Variants in FRYL observed in about 807,000 individuals in gnomAD.
FRYL encodes FRY like transcription coactivator.
In FRYL, 150 loss-of-function variants were observed where a neutral mutation model predicts 351.2. The ratio of observed to expected loss-of-function variants is 0.43; its 90% CI spans 0.37 to 0.49. The LOEUF (loss-of-function observed/expected upper bound fraction) is 0.49, where lower values mean the gene tolerates loss of function less well. Ranked by LOEUF, FRYL falls within the 20% of genes least tolerant of loss-of-function variation. FRYL has a pLI of 0.00. For missense variants in FRYL, 3,036 were observed against 3,619.3 expected, an observed-to-expected ratio of 0.84 and a Z score of 4.13; for synonymous variants, 1,153 against 1,257.1, an observed-to-expected ratio of 0.92 and a Z score of 1.75.
intron 62 of FRYL, 46 bp from the exon 63 acceptor site, chr4:48,500,266 AAAAAC>A: frequency 8.1e-7 from 1 of 1,240,192 alleles, no homozygotes; most frequent in Non-Finnish European, 1.1e-6. Context: ...GTTTGGTAAC[AAAAAC>A]ATTTAGTTGG....
Position 48,594,034 on chromosome 4 carries a change from C to T in FRYL, c.1249-18G>A. 1 of 1,109,472 alleles carries T rather than the reference C, an allele frequency of 9.0e-7. No homozygotes were observed. The highest frequency in any genetic ancestry group is 1.3e-6 in the Non-Finnish European group (1 of 785,574). 68.7% of individuals were successfully genotyped at this position (1,109,472 alleles called of 1,614,324 possible). ...AAGCGTTCCTTAAAAAAAAAAAAAT[C>T]CTTATAACTTGCTACTATGTGTTAG... is the stretch of plus-strand genomic sequence containing the variant. On this transcript the variant is annotated intron_variant, in intron 15 of 63. Transcript: ENST00000358350.
intron 4 of FRYL, among the ~76,000 whole-genome samples, chr4:48,629,536 GAT>G (rs1752553824): frequency 6.6e-6 from 1 of 152,124 alleles, no homozygotes; most frequent in African/African-American, 2.4e-5. Context: ...AGGTTCTGGA[GAT>G]ACAGCCATAA....
rs1373022552 is a variant in FRYL at position 48,590,842 on chromosome 4, A to G, written c.1336-12T>C. ...CCTATGTTCATTCTCTTCAAAGGAA[A>G]AAAATGCAAAAGGAAGAGATGAGTA... On this transcript the variant is annotated splice_polypyrimidine_tract_variant and intron_variant, in intron 16 of 63. Transcript: ENST00000358350. The G allele has an allele frequency of 6.3e-7, 1 of 1,586,362 alleles. No homozygotes were observed. Among genetic ancestry groups the G allele is most frequent in the African/African-American group, 1.4e-5 (1 of 73,382 alleles).
intron 1 of FRYL, among the ~76,000 whole-genome samples, chr4:48,749,824 C>T (rs575817092): frequency 1.3e-5 from 2 of 152,178 alleles, no homozygotes; most frequent in South Asian, 4.1e-4. Context: ...AAAGGTCTGT[C>T]TAGTTGAGCC....
intron 3 of FRYL, chr4:48,653,702 A>G (rs1416441318): frequency 7.8e-7 from 1 of 1,287,746 alleles, no homozygotes; most frequent in African/African-American, 1.5e-5. Flanking sequence ...TCATGTAGGA[A>G]TATATACTTA....
chr4:48,605,827 C>A lies in FRYL; in HGVS notation c.748G>T (p.Ala250Ser), dbSNP rs771059068. The A allele has an allele frequency of 6.3e-7, 1 of 1,577,686 alleles. No homozygotes were observed. The highest frequency in any genetic ancestry group is 1.1e-5 in the South Asian group (1 of 89,066). The change falls in exon 11 of 64, where the codon GCT becomes TCT. Residue 250 changes from alanine to serine, a missense_variant. By Grantham distance (99) the Ala-to-Ser change is moderately conservative. Around this residue, in one of 7 missense-constraint regions of FRYL, gnomAD observed 457 missense variants for 566.6 expected, o/e 0.81. Transcript: ENST00000358350. ...TCTTTCACTTCTAAGAAATACTGAG[C>A]ACATTCCTTAAAGGGAAAGAGGTAT... The part of the protein sequence containing the change: ...EASFQFMQEC[A>S]QYFLEVKDKD...
At chr4:48,689,593 G>A (rs1028165526) in intron 2 of FRYL, among the ~76,000 whole-genome samples, 3 of 151,918 alleles carry the variant, frequency 2.0e-5, no homozygotes, top group Non-Finnish European at 2.9e-5. Context: ...TCATACACTC[G>A]ACAAATATTT....
At chr4:48,741,268 G>A (rs1433363568) in intron 1 of FRYL, among the ~76,000 whole-genome samples, 1 of 152,102 alleles carries the variant, frequency 6.6e-6, no homozygotes, top group Non-Finnish European at 1.5e-5. Context: ...AAATGACCAG[G>A]CACTGTGGCT....
chr4:48,565,686 G>C lies in FRYL; in HGVS notation c.3175C>G (p.Gln1059Glu), dbSNP rs747857215. The part of the protein sequence containing the change: ...ANIIQNVPVH[Q>E]RRSIFPQQSL... ...TGTTGAGGAAAAATACTTCTTCTCT[G>C]GTGCACTGTGAATAAAAAAAGATAG... Residue 1059 changes from glutamine (Q) to glutamate (E), a missense_variant, in exon 29 of 64, where the codon CAG becomes GAG. Gln to Glu is a conservative substitution (Grantham distance 29). This residue lies in a region of FRYL where 15 missense variants were observed against 41.9 expected (regional missense o/e 0.36). Coordinates refer to ENST00000358350, the MANE Select transcript of FRYL (RefSeq NM_015030.2). 1 of 1,604,304 alleles carries C rather than the reference G, an allele frequency of 6.2e-7. No individual in the cohort carries two copies. Among genetic ancestry groups the C allele is most frequent in the Non-Finnish European group, 8.5e-7 (1 of 1,177,614 alleles).
chr4:48,744,611 T>C (rs1232577585), intron 1 of FRYL, among the ~76,000 whole-genome samples: 1 of 152,086 alleles, frequency 6.6e-6, no homozygotes. Context: ...ATCTGAGAGA[T>C]CAACTAAAAA....
At chr4:48,520,819 A>T (rs1724752929) in intron 55 of FRYL, 1 of 420,942 alleles carries the variant, frequency 2.4e-6, no homozygotes, top group African/African-American at 2.0e-5. Flanking sequence ...TCTGCAATGC[A>T]AACTGCTCAT....
At chr4:48,712,498 C>T (rs1286066892) in intron 1 of FRYL, among the ~76,000 whole-genome samples, 2 of 151,920 alleles carry the variant, frequency 1.3e-5, no homozygotes, top group African/African-American at 2.4e-5. Context: ...AGAAATGAAG[C>T]GAGAAGGGAA....
intron 16 of FRYL, among the ~76,000 whole-genome samples, chr4:48,592,101 T>TATATATATATATATATATATAC (rs1158547540): frequency 2.4e-4 from 11 of 45,042 alleles, no homozygotes; most frequent in Non-Finnish European, 6.1e-4. Context: ...TATATATATA[T>TATATATATATATATATATATAC]ATATATATAT....
At chr4:48,717,122 T>C (rs1227539913) in intron 1 of FRYL, among the ~76,000 whole-genome samples, 3 of 68,470 alleles carry the variant, frequency 4.4e-5, no homozygotes, top group Non-Finnish European at 7.9e-5. Context: ...GGGACTGTTG[T>C]GGGGTGGGGG....
chr4:48,512,178 G>A (rs117944707), intron 57 of FRYL, among the ~76,000 whole-genome samples: 1 of 152,260 alleles, frequency 6.6e-6, no homozygotes, highest in East Asian at 1.9e-4. Context: ...TGAAGGCAGA[G>A]CTTAGGCCTT....
rs539725304 is a variant in FRYL at position 48,684,575 on chromosome 4, G to C, written c.-81+98C>G. 6.6e-5 allele frequency: 10 copies of C among 152,334 alleles called. 1 individual carries two copies. The highest frequency in any genetic ancestry group is 1.5e-5 in the Non-Finnish European group (1 of 68,026). The allele number at this position is 152,334 out of a possible 1,614,324, so 9.4% of individuals were successfully genotyped here. ...CCTGGTATAATAGTTATAGGATCAA[G>C]AAATTATAGTAGAACCTCACAGCTA... On this transcript the variant is annotated intron_variant, in intron 3 of 63. Coordinates refer to ENST00000358350, the MANE Select transcript of FRYL (RefSeq NM_015030.2).
intron 1 of FRYL, among the ~76,000 whole-genome samples, chr4:48,749,262 A>G (rs982865683): frequency 2.6e-5 from 4 of 152,184 alleles, no homozygotes; most frequent in Non-Finnish European, 4.4e-5. Flanking sequence ...ACCTCTGGCT[A>G]TATTTGTGAC....
intron 3 of FRYL, among the ~76,000 whole-genome samples, chr4:48,679,756 A>G (rs1764325296): frequency 6.6e-6 from 1 of 152,080 alleles, no homozygotes; most frequent in Non-Finnish European, 1.5e-5. Context: ...AGATCACTAT[A>G]CACTGTAAGT....
intron 3 of FRYL, among the ~76,000 whole-genome samples, chr4:48,636,095 T>C: frequency 6.6e-6 from 1 of 152,168 alleles, no homozygotes; most frequent in East Asian, 1.9e-4. Context: ...TTATGTACTG[T>C]ATTCTAGAAC....
Sources: allele counts gnomAD v4.1 joint callset (sites outside exome capture counted in the v4.1 genomes callset), GRCh38; gene constraint gnomAD v4.1.1; regional missense constraint gnomAD v4.1.1; transcripts MANE v1.5; gene names NCBI Gene and HGNC (gene_info 2026-07-23, HGNC 2026-07-21).